RPTOR: variants seen among roughly 807,000 people sequenced by gnomAD.
RPTOR encodes regulatory-associated protein of mTOR.
In RPTOR, 21 loss-of-function variants were observed where a neutral mutation model predicts 169.9. That is an observed-to-expected ratio of 0.12 (90% CI 0.09 to 0.18). The LOEUF (loss-of-function observed/expected upper bound fraction) is 0.18. Ranked by LOEUF, RPTOR falls within the 10% of genes least tolerant of loss-of-function variation. The pLI, the probability that RPTOR is intolerant of heterozygous loss-of-function variation, is 1.00. For synonymous variants in RPTOR, 732 were observed against 753.2 expected (o/e 0.97, Z 0.46); for missense variants, 1,133 against 1,855.9 (o/e 0.61, Z 7.16).
Position 80,880,288 on chromosome 17 carries a change from G to A in RPTOR, c.1510-127G>A, listed in dbSNP as rs529566771. On this transcript the variant is annotated intron_variant, in intron 13 of 33. Coordinates refer to ENST00000306801, the MANE Select transcript of RPTOR (RefSeq NM_020761.3). ...GCAGCTGTTTTTCAAATGAAAACTG[G>A]GCTTGAAAGGAGGAAATAATTGAGG... is the stretch of plus-strand genomic sequence containing the variant. 5 of 786,794 alleles carry A rather than the reference G, an allele frequency of 6.4e-6. No individual in the cohort carries two copies. In the East Asian group the frequency reaches 1.3e-4, roughly 20 times the overall value. 48.7% of individuals were successfully genotyped at this position (786,794 alleles called of 1,614,324 possible).
intron 21 of RPTOR, chr17:80,910,003 C>T (rs1156427981): frequency 6.6e-6 from 1 of 152,250 alleles, no homozygotes; most frequent in African/African-American, 2.4e-5. Flanking sequence ...TGGCCTACCG[C>T]CTTCCCGCTG....
At chr17:80,904,680 G>A (rs957038340) in intron 20 of RPTOR, among the ~76,000 whole-genome samples, 1 of 152,142 alleles carries the variant, frequency 6.6e-6, no homozygotes, top group South Asian at 2.1e-4. Flanking sequence ...CAGGACCCAG[G>A]CAGCCCCACC....
At chr17:80,564,295 C>G (rs1377061420) in intron 1 of RPTOR, among the ~76,000 whole-genome samples, 1 of 152,042 alleles carries the variant, frequency 6.6e-6, no homozygotes, top group East Asian at 1.9e-4. Context: ...ATCTCCTGAC[C>G]TTGTGATCTG....
chr17:80,695,051 A>C lies in RPTOR; in HGVS notation c.349-12790A>C, dbSNP rs541493885. Among the ~76,000 whole-genome samples the C allele has an allele frequency of 1.3e-5, 2 of 152,256 alleles. No homozygotes were observed. Among genetic ancestry groups the C allele is most frequent in the South Asian group, 4.1e-4 (2 of 4,828 alleles). On this transcript the variant is annotated intron_variant, in intron 3 of 33. Transcript: ENST00000306801. The surrounding 1 kb of genome is among the most constrained non-coding windows in gnomAD (Gnocchi z 4.9). Reference sequence around the variant, plus strand: ...CTGAGCTGGGCTGCCTGGCTTTGACATGGGCCTGTGCGGGGCTGGCTGTGT... The same window carrying C: ...CTGAGCTGGGCTGCCTGGCTTTGACCTGGGCCTGTGCGGGGCTGGCTGTGT...
At chr17:80,557,932 T>C (rs1241056864) in intron 1 of RPTOR, among the ~76,000 whole-genome samples, 1 of 151,702 alleles carries the variant, frequency 6.6e-6, no homozygotes, top group African/African-American at 2.4e-5. Context: ...TCTCAAAAAA[T>C]AATAATAAAT....
At chr17:80,675,893 C>T (rs2065858192) in intron 3 of RPTOR, among the ~76,000 whole-genome samples, 1 of 152,324 alleles carries the variant, frequency 6.6e-6, no homozygotes, top group African/African-American at 2.4e-5. Context: ...TTTATTACCG[C>T]AGATGTGATT....
chr17:80,898,510 GTT>G (rs549807316), intron 20 of RPTOR, among the ~76,000 whole-genome samples: 95 of 151,994 alleles, frequency 6.3e-4, no homozygotes, highest in African/African-American at 2.2e-3. Flanking sequence ...CCTTTCTACT[GTT>G]TTCTCTAGGT....
intron 3 of RPTOR, among the ~76,000 whole-genome samples, chr17:80,687,752 G>A (rs773771002): frequency 9.8e-5 from 15 of 152,330 alleles, no homozygotes; most frequent in African/African-American, 3.4e-4. Context: ...TGTTTAGAGC[G>A]TCCCTTCCCT....
intron 19 of RPTOR, among the ~76,000 whole-genome samples, chr17:80,893,237 GGGGCGTGTGTGCCA>G (rs1353508599): frequency 2.6e-5 from 4 of 151,506 alleles, no homozygotes; most frequent in East Asian, 1.9e-4. Flanking sequence ...TGTGTGCGCC[GGGGCGTGTGTGCCA>G]GGGTGTGTGC....
In RPTOR at chr17:80,965,074, G is replaced by A. The variant is rs925681697; in HGVS notation, c.*744G>A. 12 of 233,290 alleles carry A rather than the reference G, an allele frequency of 5.1e-5. No homozygotes were observed. The highest frequency in any genetic ancestry group is 2.2e-4 in the Admixed American group (4 of 17,810). 14.5% of individuals were successfully genotyped at this position (233,290 alleles called of 1,614,324 possible). The stretch of plus-strand genomic sequence containing the variant: ...AGCTGTCAGCAGGGGCCGCTGTGGC[G>A]GTGCACAGGGGAGGCAGGTCCTTGG... On this transcript the variant is annotated 3_prime_UTR_variant, in exon 34 of 34. Transcript: ENST00000306801.
At chr17:80,838,382 G>A (rs2067588846) in intron 10 of RPTOR, among the ~76,000 whole-genome samples, 1 of 152,128 alleles carries the variant, frequency 6.6e-6, no homozygotes, top group Non-Finnish European at 1.5e-5. Flanking sequence ...GGGGTTTGGT[G>A]CTGAACCCTG....
At chr17:80,554,825 A>G (rs1048432250) in intron 1 of RPTOR, among the ~76,000 whole-genome samples, 4 of 152,214 alleles carry the variant, frequency 2.6e-5, no homozygotes, top group Non-Finnish European at 5.9e-5. Context: ...GAAGCTGGAT[A>G]TTAAAGAGAT....
chr17:80,654,434 C>T lies in RPTOR; in HGVS notation c.348+10624C>T, dbSNP rs185899109. The stretch of plus-strand genomic sequence containing the variant: ...CACTGCCTTCCCAACCCAGAGAGGC[C>T]GATCAGCTCCGCTTAGCTTCACGTG... On this transcript the variant is annotated intron_variant, in intron 3 of 33. Coordinates refer to ENST00000306801, the MANE Select transcript of RPTOR (RefSeq NM_020761.3). Among the ~76,000 whole-genome samples the T allele has an allele frequency of 1.3e-4, 20 of 152,330 alleles. No homozygotes were observed. In the East Asian group the frequency reaches 2.7e-3, roughly 21 times the overall value.
At chr17:80,892,979 G>A (rs987529556) in intron 19 of RPTOR, 110 bp downstream of exon 19, 38 of 1,300,346 alleles carry the variant, frequency 2.9e-5, no homozygotes, top group South Asian at 1.8e-4. Context: ...GTCTAAGTGC[G>A]TGCCCTGAAG....
chr17:80,767,671 A>G (rs2066801373), intron 6 of RPTOR, among the ~76,000 whole-genome samples: 1 of 152,196 alleles, frequency 6.6e-6, no homozygotes, highest in East Asian at 1.9e-4. Context: ...AAATGTTTAA[A>G]TATCTGCTGA....
At chr17:80,964,175 A>G in intron 33 of RPTOR, 87 bp from the exon 34 acceptor site, 2 of 1,118,812 alleles carry the variant, frequency 1.8e-6, no homozygotes, top group Non-Finnish European at 2.7e-6. Flanking sequence ...GGAGCTGCCT[A>G]AGGATGCGGG....
At chr17:80,744,097 T>TTGC (rs2066529906) in intron 5 of RPTOR, among the ~76,000 whole-genome samples, 1 of 39,396 alleles carries the variant, frequency 2.5e-5, no homozygotes, top group Non-Finnish European at 5.2e-5. Context: ...ACAGCCCTGG[T>TTGC]TACTAGCACA....
chr17:80,819,104 C>T (rs2067353456), intron 7 of RPTOR, among the ~76,000 whole-genome samples: 1 of 152,184 alleles, frequency 6.6e-6, no homozygotes, highest in African/African-American at 2.4e-5. Flanking sequence ...CCCTGCACTT[C>T]TTCCGGAATG....
Position 80,894,241 on chromosome 17 carries a change from C to T in RPTOR, c.2401+376C>T, listed in dbSNP as rs528968048. ...CAGCCGGGGGTGGTTTTGCCCCCCA[C>T]GAGCAACTGGGGTACAGTAGGGGTG... On this transcript the variant is annotated intron_variant, in intron 20 of 33. Coordinates refer to ENST00000306801, the MANE Select transcript of RPTOR (RefSeq NM_020761.3). Among the ~76,000 whole-genome samples the T allele has an allele frequency of 5.9e-5, 9 of 152,264 alleles. No homozygotes were observed. The South Asian group carries it at 8.3e-4, about 14-fold the overall frequency.
Sources: allele counts gnomAD v4.1 joint callset (sites outside exome capture counted in the v4.1 genomes callset), GRCh38; gene constraint gnomAD v4.1.1; non-coding constraint Gnocchi (gnomAD v3.1); transcripts MANE v1.5; gene names NCBI Gene and HGNC (gene_info 2026-07-23, HGNC 2026-07-21).